PLIN1: variants seen among roughly 807,000 people sequenced by gnomAD.
PLIN1 encodes perilipin 1, also known as perilipin-1.
Under a neutral mutation model 45.8 loss-of-function variants are expected in PLIN1, and 37 were observed. That is an observed-to-expected ratio of 0.81 (90% CI 0.62 to 1.06). PLIN1 has a LOEUF of 1.06. Ranked by LOEUF, PLIN1 falls within the 50% of genes least tolerant of loss-of-function variation. The probability of loss-of-function intolerance (pLI) is 0.00; values close to 1 mark genes in which losing one functional copy is unlikely to be tolerated. For missense variants in PLIN1, 776 were observed against 716.5 expected (o/e 1.08, Z -0.95); for synonymous variants, 340 against 309.2 (o/e 1.10, Z -1.05).
rs1216599548 is a variant in PLIN1 at position 89,665,348 on chromosome 15, C to T, written c.*235G>A. The stretch of plus-strand genomic sequence containing the variant: ...AACCAAGCCATAGAATCAGAGCAGG[C>T]TGCGGCTCTGGTGTCCCTTAAAAAC... On this transcript the variant is annotated 3_prime_UTR_variant, in exon 9 of 9. Coordinates refer to ENST00000300055, the MANE Select transcript of PLIN1 (RefSeq NM_002666.5). 5.5e-6 allele frequency: 2 copies of T among 361,460 alleles called. No individual in the cohort carries two copies. The highest frequency in any genetic ancestry group is 9.9e-6 in the Non-Finnish European group (2 of 202,292). 22.4% of individuals were successfully genotyped at this position (361,460 alleles called of 1,614,324 possible).
At chr15:89,670,538 G>T (rs927661913) in intron 4 of PLIN1, among the ~76,000 whole-genome samples, 1 of 152,194 alleles carries the variant, frequency 6.6e-6, no homozygotes, top group African/African-American at 2.4e-5. Context: ...GGTGCCACCT[G>T]TCCTGATACC....
intron 2 of PLIN1, among the ~76,000 whole-genome samples, chr15:89,675,500 G>C (rs1299468665): frequency 6.6e-6 from 1 of 151,978 alleles, no homozygotes; most frequent in Non-Finnish European, 1.5e-5. Flanking sequence ...CCAGCTGCTG[G>C]GGAGGCTGAG....
chr15:89,675,191 A>C (rs1322806475), intron 2 of PLIN1, among the ~76,000 whole-genome samples: 1 of 152,174 alleles, frequency 6.6e-6, no homozygotes, highest in Non-Finnish European at 1.5e-5. Flanking sequence ...GTGTAGTGGA[A>C]CAATCGTTTA....
intron 7 of PLIN1, 109 bp downstream of exon 7, chr15:89,667,493 C>A: frequency 6.5e-7 from 1 of 1,527,028 alleles, no homozygotes; most frequent in Non-Finnish European, 9.1e-7. Flanking sequence ...GTTGCACGCA[C>A]ATGCCGTGCC....
chr15:89,677,188 C>CG (rs1567081319), intron 2 of PLIN1: 4 of 557,726 alleles, frequency 7.2e-6, no homozygotes, highest in Non-Finnish European at 9.6e-6. Flanking sequence ...CCACTCCCCC[C>CG]GTCCCTAAGC....
At position 89,677,371 on chromosome 15, in the gene PLIN1, G is replaced by C; in HGVS notation, c.45+74C>G. 8 of 1,169,138 alleles carry C rather than the reference G, an allele frequency of 6.8e-6. No homozygotes were observed. The South Asian group carries it at 8.5e-5, about 12-fold the overall frequency. 72.4% of individuals were successfully genotyped at this position (1,169,138 alleles called of 1,614,324 possible). A position where few individuals can be genotyped will look rare whatever the true frequency, so the allele number is the denominator to read the frequency against. On this transcript the variant is annotated intron_variant, in intron 2 of 8. Coordinates refer to ENST00000300055, the MANE Select transcript of PLIN1 (RefSeq NM_002666.5). Reference sequence around the variant, plus strand: ...GGGAATATCTTGCTCTAAGTCCCCTGCATCTCCCCTCCCTGCTTCTTCCTC... The same window carrying C: ...GGGAATATCTTGCTCTAAGTCCCCTCCATCTCCCCTCCCTGCTTCTTCCTC...
intron 1 of PLIN1, among the ~76,000 whole-genome samples, chr15:89,679,019 CTCT>C (rs1208118477): frequency 2.0e-5 from 3 of 151,914 alleles, no homozygotes; most frequent in South Asian, 2.1e-4. Flanking sequence ...CTAATTTTTT[CTCT>C]TTTTTTATAG....
intron 2 of PLIN1, among the ~76,000 whole-genome samples, chr15:89,674,525 G>A (rs1227495891): frequency 6.6e-6 from 1 of 152,154 alleles, no homozygotes; most frequent in African/African-American, 2.4e-5. Context: ...ATAGGCCTAA[G>A]CCATTGCGCC....
chr15:89,669,918 C>G (rs1260526142), intron 5 of PLIN1, 62 bp downstream of exon 5: 1 of 1,550,310 alleles, frequency 6.5e-7, no homozygotes, highest in Non-Finnish European at 8.7e-7. Context: ...CCACCTCCTG[C>G]TGATTCCCAG....
chr15:89,667,591 C>T lies in PLIN1; in HGVS notation c.963+11G>A. The T allele has an allele frequency of 5.0e-6, 8 of 1,613,934 alleles. No homozygotes were observed. Among genetic ancestry groups the T allele is most frequent in the Non-Finnish European group, 6.8e-6 (8 of 1,179,778 alleles). On this transcript the variant is annotated intron_variant, in intron 7 of 8. Transcript: ENST00000300055. ...GCTGGGGGACCTTGAGGCTCCCACT[C>T]TCCCCCTCACCTCACTGAACTTGTT...
chr15:89,669,631 C>A lies in PLIN1; in HGVS notation c.640G>T (p.Ala214Ser), dbSNP rs775054647. ...ACCCTGCTCAAGAGGCTTGGCTTGG[C>A]CTTGGGAGACTTCTGGGCTTGCTGG... ...GHQQAQKSPK[A>S]KPSLLSRVGA... The change falls in exon 6 of 9, where the codon GCC becomes TCC. Residue 214 changes from alanine to serine, a missense_variant. Ala to Ser is a moderately conservative substitution (Grantham distance 99). Transcript: ENST00000300055. 5.6e-6 allele frequency: 9 copies of A among 1,614,022 alleles called. No homozygotes were observed. The highest frequency in any genetic ancestry group is 7.6e-6 in the Non-Finnish European group (9 of 1,179,992).
At chr15:89,675,395 C>T (rs1332886120) in intron 2 of PLIN1, among the ~76,000 whole-genome samples, 1 of 140,564 alleles carries the variant, frequency 7.1e-6, no homozygotes, top group South Asian at 2.3e-4. Flanking sequence ...TCATTTGAAG[C>T]CAGGAGTTTG....
chr15:89,677,745 CTTT>C, intron 1 of PLIN1: 1 of 525,796 alleles, frequency 1.9e-6, no homozygotes, highest in East Asian at 3.1e-5. Context: ...TTTTTCTTTT[CTTT>C]CTTTCTTTTT....
Position 89,667,087 on chromosome 15 carries a change from G to C in PLIN1, c.1058C>G (p.Ala353Gly), listed in dbSNP as rs551819178. 6.2e-7 allele frequency: 1 copy of C among 1,614,034 alleles called. No homozygotes were observed. Among genetic ancestry groups the C allele is most frequent in the African/African-American group, 1.3e-5 (1 of 74,934 alleles). Residue 353 changes from alanine (A) to glycine (G), a missense_variant, in exon 8 of 9, where the codon GCA becomes GGA. Ala to Gly is a moderately conservative substitution (Grantham distance 60, BLOSUM62 0). Coordinates refer to ENST00000300055, the MANE Select transcript of PLIN1 (RefSeq NM_002666.5). The part of the protein sequence containing the change: ...LQTTISAVTW[A>G]PAAVLGMAGR... ...TGCCATGCCCAGCACAGCTGCAGGT[G>C]CCCATGTCACAGCCGAGATGGTGGT...
chr15:89,671,649 G>GC (rs1235899634), intron 3 of PLIN1, 85 bp from the exon 4 acceptor site: 1 of 1,032,194 alleles, frequency 9.7e-7, no homozygotes, highest in African/African-American at 1.6e-5. Context: ...GAAGTGACTT[G>GC]GAGCCCTCAA....
chr15:89,667,599 C>T lies in PLIN1; in HGVS notation c.963+3G>A, dbSNP rs112335111. 2 of 1,614,194 alleles carry T rather than the reference C, an allele frequency of 1.2e-6. No homozygotes were observed. The highest frequency in any genetic ancestry group is 1.3e-5 in the African/African-American group (1 of 75,066). ...ACCTTGAGGCTCCCACTCTCCCCCT[C>T]ACCTCACTGAACTTGTTCTCCTCAG... On this transcript the variant is annotated splice_donor_region_variant and intron_variant, in intron 7 of 8. Coordinates refer to ENST00000300055, the MANE Select transcript of PLIN1 (RefSeq NM_002666.5).
At position 89,665,562 on chromosome 15, in the gene PLIN1, C is replaced by CGCGGCGGCTGGT; in HGVS notation, c.*9_*20dup. 1 of 1,522,970 alleles carries CGCGGCGGCTGGT rather than the reference C, an allele frequency of 6.6e-7. No homozygotes were observed. Among genetic ancestry groups the CGCGGCGGCTGGT allele is most frequent in the Non-Finnish European group, 8.8e-7 (1 of 1,137,226 alleles). The allele number at this position is 1,522,970 out of a possible 1,614,324, so 94.3% of individuals were successfully genotyped here. A position where few individuals can be genotyped will look rare whatever the true frequency, so the allele number is the denominator to read the frequency against. ...GTTAGAGAAACCCGCCGGCCCGGGG[C>CGCGGCGGCTGGT]GCGGCGGCTGGTGCGGCGACTCAGC... On this transcript the variant is annotated 3_prime_UTR_variant, in exon 9 of 9. Transcript: ENST00000300055.
Position 89,665,406 on chromosome 15 carries a change from A to C in PLIN1, c.*177T>G. 2 of 317,424 alleles carry C rather than the reference A, an allele frequency of 6.3e-6. No homozygotes were observed. The highest frequency in any genetic ancestry group is 2.2e-5 in the African/African-American group (1 of 45,092). The allele number at this position is 317,424 out of a possible 1,614,324, so 19.7% of individuals were successfully genotyped here. The stretch of plus-strand genomic sequence containing the variant: ...GAGAGTGAAGCCCCAAAAGGATGCT[A>C]AAAAAAAAATAAAAATAAAATAAAA... On this transcript the variant is annotated 3_prime_UTR_variant, in exon 9 of 9. Transcript: ENST00000300055.
Position 89,669,978 on chromosome 15 carries a change from A to G in PLIN1, c.598+2T>C. On this transcript the variant is annotated splice_donor_variant, in intron 5 of 8. Transcript: ENST00000300055. LOFTEE classifies it high-confidence loss of function. ...CAGGCCGAGCCTCCGAATGGCAGGT[A>G]CCTGACTCTTCCTTGTCTGGAGGGA... is the stretch of plus-strand genomic sequence containing the variant. 1.9e-6 allele frequency: 3 copies of G among 1,609,774 alleles called. 1 individual carries two copies. The South Asian group carries it at 3.3e-5, about 18-fold the overall frequency.
Sources: allele counts gnomAD v4.1 joint callset (sites outside exome capture counted in the v4.1 genomes callset), GRCh38; gene constraint gnomAD v4.1.1; transcripts MANE v1.5; gene names NCBI Gene and HGNC (gene_info 2026-07-23, HGNC 2026-07-21).